Variants in SH3RF1 observed in about 807,000 individuals in gnomAD.
The protein encoded by SH3RF1 is E3 ubiquitin-protein ligase SH3RF1.
Under a neutral mutation model 74.0 loss-of-function variants are expected in SH3RF1, and 32 were observed. The observed-to-expected ratio is 0.43, with a 90% confidence interval of 0.33 to 0.58. The LOEUF (loss-of-function observed/expected upper bound fraction) is 0.58, where lower values mean the gene tolerates loss of function less well. Ranked by LOEUF, SH3RF1 falls within the 20% of genes least tolerant of loss-of-function variation. The pLI is 0.05. For synonymous variants in SH3RF1, 396 were observed against 439.6 expected, an observed-to-expected ratio of 0.90 and a Z score of 1.24; for missense variants, 954 against 1,130.9, an observed-to-expected ratio of 0.84 and a Z score of 2.24.
chr4:169,236,616 G>T (rs1467706725), intron 2 of SH3RF1, among the ~76,000 whole-genome samples: 2 of 152,124 alleles, frequency 1.3e-5, no homozygotes, highest in Admixed American at 6.5e-5. Flanking sequence ...GTTGCTATGA[G>T]AATTAAATAA....
At chr4:169,166,150 T>G (rs527378536) in intron 2 of SH3RF1, 8 of 151,338 alleles carry the variant, frequency 5.3e-5, no homozygotes, top group Non-Finnish European at 1.2e-4. Flanking sequence ...AATAAAAATG[T>G]AAACCACAGA....
chr4:169,100,423 A>C (rs2608850), intron 11 of SH3RF1, among the ~76,000 whole-genome samples: 144,997 of 152,180 alleles, frequency 0.95, 69,475 homozygotes, highest in East Asian at 1. Flanking sequence ...CTCACCACAA[A>C]CTCCGCCTCC....
chr4:169,204,550 C>A (rs918338030), intron 2 of SH3RF1, among the ~76,000 whole-genome samples: 10 of 114,140 alleles, frequency 8.8e-5, no homozygotes, highest in African/African-American at 2.8e-4. Flanking sequence ...ATTACCTTCT[C>A]TTTTTTTTTT....
intron 2 of SH3RF1, among the ~76,000 whole-genome samples, chr4:169,195,356 A>C (rs1734792117): frequency 6.6e-6 from 1 of 152,108 alleles, no homozygotes; most frequent in Non-Finnish European, 1.5e-5. Context: ...TCAAGATTTT[A>C]TCTTTGTTTC....
chr4:169,195,662 A>C (rs1188055619), intron 2 of SH3RF1, among the ~76,000 whole-genome samples: 2 of 151,434 alleles, frequency 1.3e-5, no homozygotes, highest in Non-Finnish European at 2.9e-5. Flanking sequence ...ATTTTCTTTC[A>C]GCTCTTTTTC....
intron 2 of SH3RF1, among the ~76,000 whole-genome samples, chr4:169,250,592 GTAC>G (rs1731086809): frequency 6.6e-6 from 1 of 152,150 alleles, no homozygotes; most frequent in Non-Finnish European, 1.5e-5. Flanking sequence ...AACCTACTAT[GTAC>G]TAGGCAGTGT....
At chr4:169,101,626 A>T (rs1369817457) in intron 11 of SH3RF1, among the ~76,000 whole-genome samples, 2 of 152,116 alleles carry the variant, frequency 1.3e-5, no homozygotes, top group East Asian at 1.9e-4. Context: ...ACCACAATTT[A>T]AAAAATAAGA....
intron 2 of SH3RF1, among the ~76,000 whole-genome samples, chr4:169,176,636 G>A (rs773148901): frequency 2.0e-5 from 3 of 152,060 alleles, no homozygotes; most frequent in Non-Finnish European, 2.9e-5. Flanking sequence ...AGTTTCCCAC[G>A]TTCAAGCGAT....
chr4:169,164,333 A>C (rs1734197085), intron 2 of SH3RF1, among the ~76,000 whole-genome samples: 2 of 152,216 alleles, frequency 1.3e-5, no homozygotes, highest in South Asian at 4.1e-4. Context: ...GGTTAAGTGG[A>C]AAAAGAACAC....
chr4:169,125,425 A>G (rs1733509415), intron 6 of SH3RF1, among the ~76,000 whole-genome samples: 1 of 152,134 alleles, frequency 6.6e-6, no homozygotes, highest in Non-Finnish European at 1.5e-5. Flanking sequence ...TTGCCCTTTC[A>G]TGCAACCCGC....
intron 2 of SH3RF1, among the ~76,000 whole-genome samples, chr4:169,262,794 A>G (rs928063789): frequency 6.6e-6 from 1 of 152,228 alleles, no homozygotes; most frequent in Admixed American, 6.5e-5. Flanking sequence ...AAAATTATCA[A>G]TTAGTATGCA....
At chr4:169,146,102 AATGT>A (rs1733883178) in intron 4 of SH3RF1, among the ~76,000 whole-genome samples, 1 of 103,606 alleles carries the variant, frequency 9.7e-6, no homozygotes, top group Admixed American at 8.5e-5. Context: ...TTCTATATAA[AATGT>A]TATATATTCT....
rs148559828 is a variant in SH3RF1, at chr4:169,129,026, T to C, written c.1179+1020A>G. 3.5e-3 allele frequency among the ~76,000 whole-genome samples: 532 copies of C among 152,306 alleles called. 1 individual carries two copies. The highest frequency in any genetic ancestry group is 0.011 in the African/African-American group (467 of 41,564). ...AGGCAGAGTACCTTTTCCATGGTCA[T>C]ATAACAAATAAATGGCAGAGCTGGG... On this transcript the variant is annotated intron_variant, in intron 6 of 11. Coordinates refer to ENST00000284637, the MANE Select transcript of SH3RF1 (RefSeq NM_020870.4).
At chr4:169,137,873 C>G (rs1471969599) in intron 4 of SH3RF1, among the ~76,000 whole-genome samples, 1 of 152,188 alleles carries the variant, frequency 6.6e-6, no homozygotes, top group Non-Finnish European at 1.5e-5. Flanking sequence ...CTTGGGGACT[C>G]AAATTCAGGT....
chr4:169,136,176 A>C, intron 5 of SH3RF1, 142 bp downstream of exon 5: 1 of 859,026 alleles, frequency 1.2e-6, no homozygotes, highest in South Asian at 3.4e-5. Context: ...TACAAAATGA[A>C]GACAGGTTTT....
chr4:169,130,401 A>G (rs558717989), intron 5 of SH3RF1, among the ~76,000 whole-genome samples: 2 of 152,280 alleles, frequency 1.3e-5, no homozygotes, highest in East Asian at 3.9e-4. Context: ...TCTTACCTAC[A>G]GAATTCAACT....
At chr4:169,163,188 C>A (rs1734178826) in intron 2 of SH3RF1, among the ~76,000 whole-genome samples, 2 of 150,818 alleles carry the variant, frequency 1.3e-5, no homozygotes, top group African/African-American at 2.4e-5. Context: ...CATCATTAAT[C>A]ATTTGCATAA....
At chr4:169,147,329 G>T (rs539771339) in intron 4 of SH3RF1, among the ~76,000 whole-genome samples, 1 of 152,326 alleles carries the variant, frequency 6.6e-6, no homozygotes, top group African/African-American at 2.4e-5. Flanking sequence ...TATGAACATG[G>T]AATTGTCATT....
At chr4:169,185,369 A>C (rs531166524) in intron 2 of SH3RF1, among the ~76,000 whole-genome samples, 43 of 152,336 alleles carry the variant, frequency 2.8e-4, no homozygotes, top group African/African-American at 1.0e-3. Flanking sequence ...GGAAAAGGGA[A>C]GAATTCTAAA....
Sources: gnomAD v4.1 joint callset for allele counts (sites outside exome capture counted in the v4.1 genomes callset) on GRCh38, gnomAD v4.1.1 for gene constraint, MANE v1.5 for transcripts, NCBI Gene and HGNC (gene_info 2026-07-23, HGNC 2026-07-21) for gene names.